The following TSPAN18 variants were observed in gnomAD, a reference collection of about 807,000 sequenced individuals.
TSPAN18 encodes tetraspanin-18.
A neutral mutation model predicts 27.3 loss-of-function variants in TSPAN18; 14 were observed. The observed-to-expected ratio is 0.51, with a 90% CI of 0.34 to 0.80. The LOEUF is 0.80. TSPAN18 is among the 30% of genes least tolerant of loss of function. The pLI is 0.01. For synonymous variants in TSPAN18, 143 were observed against 136.5 expected (o/e 1.05, Z -0.33); for missense variants, 268 against 323.9 (o/e 0.83, Z 1.32).
At chr11:44,789,067 C>T (rs904942793) in intron 2 of TSPAN18, among the ~76,000 whole-genome samples, 2 of 152,210 alleles carry the variant, frequency 1.3e-5, no homozygotes, top group African/African-American at 4.8e-5. Context: ...GGAAGACTTG[C>T]GGATTTTCCC....
intron 2 of TSPAN18, among the ~76,000 whole-genome samples, chr11:44,805,009 C>T (rs1456858032): frequency 2.0e-5 from 3 of 152,176 alleles, no homozygotes; most frequent in Admixed American, 6.5e-5. Flanking sequence ...TTCTCCTGGT[C>T]GGCTGTTAGC....
intron 2 of TSPAN18, 55 bp downstream of exon 2, chr11:44,764,567 C>A (rs974222229): frequency 2.0e-5 from 3 of 152,284 alleles, no homozygotes; most frequent in Non-Finnish European, 4.4e-5. Flanking sequence ...ACAAGAGGGT[C>A]TACTCTTCTC....
At chr11:44,827,322 C>G (rs565460076) in intron 2 of TSPAN18, among the ~76,000 whole-genome samples, 61 of 152,352 alleles carry the variant, frequency 4.0e-4, no homozygotes, top group African/African-American at 1.4e-3. Context: ...ACAAGACCAG[C>G]AAGCCTTGGG....
chr11:44,740,167 G>A lies in TSPAN18; in HGVS notation c.-240+12880G>A, dbSNP rs145205121. 1.7e-3 allele frequency among the ~76,000 whole-genome samples: 257 copies of A among 152,198 alleles called. 2 individuals carry two copies. Among genetic ancestry groups the A allele is most frequent in the African/African-American group, 5.8e-3 (239 of 41,548 alleles). On this transcript the variant is annotated intron_variant, in intron 1 of 9. Coordinates refer to ENST00000520358, the MANE Select transcript of TSPAN18 (RefSeq NM_130783.5). The stretch of plus-strand genomic sequence containing the variant: ...CCTTGCCTATCTCTGCTTTGTCCCC[G>A]CAAATGTCATCTTTTCCTTTTCATC...
At chr11:44,845,307 G>T (rs1857457932) in intron 2 of TSPAN18, among the ~76,000 whole-genome samples, 1 of 152,228 alleles carries the variant, frequency 6.6e-6, no homozygotes, top group Admixed American at 6.5e-5. Context: ...TCTGTAAGAT[G>T]GATTTAATGA....
intron 1 of TSPAN18, among the ~76,000 whole-genome samples, chr11:44,740,297 A>T (rs189469287): frequency 1.7e-4 from 26 of 152,336 alleles, no homozygotes; most frequent in African/African-American, 6.3e-4. Flanking sequence ...GACAGAGGGC[A>T]TCTCTACCTT....
chr11:44,750,274 C>T (rs945937117), intron 1 of TSPAN18, among the ~76,000 whole-genome samples: 1 of 152,190 alleles, frequency 6.6e-6, no homozygotes, highest in Non-Finnish European at 1.5e-5. Context: ...TCAATATTGA[C>T]ACTTACTTAG....
At chr11:44,789,020 G>A (rs1190314357) in intron 2 of TSPAN18, among the ~76,000 whole-genome samples, 1 of 152,214 alleles carries the variant, frequency 6.6e-6, no homozygotes, top group Non-Finnish European at 1.5e-5. Context: ...ACGCAGGCAC[G>A]TGTGTTGTCC....
chr11:44,894,665 G>A (rs1858978405), intron 3 of TSPAN18, among the ~76,000 whole-genome samples: 1 of 152,186 alleles, frequency 6.6e-6, no homozygotes. Context: ...GCGTGACCTC[G>A]GTCCCATCTC....
chr11:44,773,868 G>A (rs2134924764), intron 2 of TSPAN18, among the ~76,000 whole-genome samples: 1 of 152,320 alleles, frequency 6.6e-6, no homozygotes, highest in South Asian at 2.1e-4. Flanking sequence ...CCAGGGTTCT[G>A]AGCACCATTT....
chr11:44,816,570 A>G (rs1856822541), intron 2 of TSPAN18, among the ~76,000 whole-genome samples: 1 of 151,870 alleles, frequency 6.6e-6, no homozygotes. Flanking sequence ...CTCTCTCCAT[A>G]CATGGGGATT....
intron 2 of TSPAN18, among the ~76,000 whole-genome samples, chr11:44,826,365 A>G (rs1222701428): frequency 6.6e-6 from 1 of 152,240 alleles, no homozygotes; most frequent in Non-Finnish European, 1.5e-5. Context: ...CAGAGGTTAC[A>G]CTGAGTCGAG....
At position 44,727,051 on chromosome 11, in the gene TSPAN18, C is replaced by G. The variant is rs1854529287; in HGVS notation, c.-476C>G. The stretch of plus-strand genomic sequence containing the variant: ...GGAGCCGCGCGAGGCCGCCCGAGCC[C>G]CAGCCCCGGCCCCGGCCCCAGCCCC... On this transcript the variant is annotated 5_prime_UTR_variant, in exon 1 of 10. Coordinates refer to ENST00000520358, the MANE Select transcript of TSPAN18 (RefSeq NM_130783.5). The G allele has an allele frequency of 7.2e-6, 1 of 138,934 alleles. No homozygotes were observed. The highest frequency in any genetic ancestry group is 1.6e-5 in the Non-Finnish European group (1 of 62,420). The allele number at this position is 138,934 out of a possible 1,614,324, so 8.6% of individuals were successfully genotyped here. A position where few individuals can be genotyped will look rare whatever the true frequency, so the allele number is the denominator to read the frequency against.
Position 44,881,983 on chromosome 11 carries a change from G to A in TSPAN18, c.-11+21514G>A, listed in dbSNP as rs143250731. Among the ~76,000 whole-genome samples, 529 of 152,228 alleles carry A rather than the reference G, an allele frequency of 3.5e-3. 3 individuals are homozygous for A. Among genetic ancestry groups the A allele is most frequent in the African/African-American group, 0.012 (495 of 41,544 alleles). On this transcript the variant is annotated intron_variant, in intron 3 of 9. Transcript: ENST00000520358. ...GGTCACTGGTGAAAGAATGACTTCC[G>A]GCTAAATTCAGAATCATCTTCCCAA...
rs74922531 is a variant in TSPAN18, at chr11:44,781,600, C to T, written c.-153+17088C>T. The stretch of plus-strand genomic sequence containing the variant: ...GGGCATCTGTCTTCTCCCACAGCCC[C>T]GGGCACATTTGGTAACAACCCAGGA... On this transcript the variant is annotated intron_variant, in intron 2 of 9. Transcript: ENST00000520358. 7.1e-3 allele frequency among the ~76,000 whole-genome samples: 1,087 copies of T among 152,230 alleles called. 7 individuals are homozygous for T. Among genetic ancestry groups the T allele is most frequent in the South Asian group, 0.028 (134 of 4,812 alleles).
intron 2 of TSPAN18, among the ~76,000 whole-genome samples, chr11:44,848,840 G>A (rs571021841): frequency 2.7e-4 from 41 of 152,304 alleles, no homozygotes; most frequent in East Asian, 5.8e-4. Context: ...GTCTCTAACC[G>A]TGGGGCTCCC....
intron 1 of TSPAN18, among the ~76,000 whole-genome samples, chr11:44,747,753 C>T (rs538497492): frequency 2.6e-5 from 4 of 152,312 alleles, no homozygotes; most frequent in Admixed American, 2.0e-4. Flanking sequence ...CTCATGCACA[C>T]TCACACGCTA....
At chr11:44,917,547 C>G (rs529048264) in intron 5 of TSPAN18, 108 of 155,964 alleles carry the variant, frequency 6.9e-4, no homozygotes, top group Non-Finnish European at 1.3e-3. Flanking sequence ...CTGGGGCTGG[C>G]AGGGTGGGGA....
intron 6 of TSPAN18, among the ~76,000 whole-genome samples, chr11:44,918,757 T>C (rs1860011193): frequency 6.6e-6 from 1 of 151,556 alleles, no homozygotes. Context: ...GGAAGGAGAA[T>C]ATTTTGGGAG....
Sources: allele counts gnomAD v4.1 joint callset (sites outside exome capture counted in the v4.1 genomes callset), GRCh38; gene constraint gnomAD v4.1.1; transcripts MANE v1.5; gene names NCBI Gene and HGNC (gene_info 2026-07-23, HGNC 2026-07-21).